Variants in MMD2 observed in about 807,000 individuals in gnomAD.
MMD2 encodes monocyte to macrophage differentiation associated 2.
MMD2 carries 30 observed loss-of-function variants against 33.5 expected under a neutral mutation model. The observed-to-expected ratio is 0.90, with a 90% CI of 0.67 to 1.22. The LOEUF (loss-of-function observed/expected upper bound fraction) is 1.22, where lower values mean the gene tolerates loss of function less well. MMD2 is among the 50% of genes most tolerant of loss of function. The pLI is 0.00. For synonymous variants in MMD2, 129 were observed against 123.0 expected, an observed-to-expected ratio of 1.05 and a Z score of -0.32; for missense variants, 364 against 325.4, an observed-to-expected ratio of 1.12 and a Z score of -0.91.
At chr7:4,915,402 G>A (rs1210579445) in intron 4 of MMD2, among the ~76,000 whole-genome samples, 7 of 151,780 alleles carry the variant, frequency 4.6e-5, no homozygotes, top group Admixed American at 1.3e-4. Flanking sequence ...ATTTATATAT[G>A]TGTATATATG....
chr7:4,957,886 G>A (rs1276176940), intron 1 of MMD2, among the ~76,000 whole-genome samples: 1 of 152,146 alleles, frequency 6.6e-6, no homozygotes, highest in Non-Finnish European at 1.5e-5. Flanking sequence ...TCCTAGCCCT[G>A]AGCTCCTCTT....
chr7:4,946,233 A>G lies in MMD2; in HGVS notation c.47+12738T>C, dbSNP rs1178509835. Among the ~76,000 whole-genome samples the G allele has an allele frequency of 6.6e-6, 1 of 151,986 alleles. No homozygotes were observed. The highest frequency in any genetic ancestry group is 1.5e-5 in the Non-Finnish European group (1 of 67,990). ...TGCACACACATGCACACATACACGC[A>G]CACACACGCACACCCCACCCCGTGC... is the stretch of plus-strand genomic sequence containing the variant. On this transcript the variant is annotated intron_variant, in intron 1 of 6. Coordinates refer to ENST00000401401, the MANE Select transcript of MMD2 (RefSeq NM_198403.4). This position sits in a 1 kb window ranked among gnomAD's most constrained non-coding sequence, Gnocchi z 5.0.
chr7:4,958,152 G>A (rs1273250093), intron 1 of MMD2, among the ~76,000 whole-genome samples: 7 of 152,154 alleles, frequency 4.6e-5, no homozygotes, highest in Non-Finnish European at 8.8e-5. Context: ...AGGCCCCCGC[G>A]GGCTGCTCCC....
chr7:4,953,272 C>T (rs1562497987), intron 1 of MMD2, among the ~76,000 whole-genome samples: 1 of 151,758 alleles, frequency 6.6e-6, no homozygotes, highest in Non-Finnish European at 1.5e-5. Flanking sequence ...TTGTCTTGGT[C>T]AGCACCGCCT....
chr7:4,911,321 C>A, intron 4 of MMD2, 75 bp from the exon 5 acceptor site: 1 of 1,236,328 alleles, frequency 8.1e-7, no homozygotes, highest in South Asian at 1.3e-5. Context: ...ACCGGCCTGT[C>A]ACAGGAAATG....
rs532833235 is a variant in MMD2 at position 4,918,494 on chromosome 7, T to C, written c.290+1677A>G. On this transcript the variant is annotated intron_variant, in intron 3 of 6. Transcript: ENST00000401401. ...TCTTTTCTTTCTTTCTTTTTTTTTT[T>C]TTTTTTTGAGACAGATTCTCACTCC... Among the ~76,000 whole-genome samples the C allele has an allele frequency of 3.0e-3, 455 of 150,288 alleles. 1 individual carries two copies. Among genetic ancestry groups the C allele is most frequent in the Non-Finnish European group, 5.1e-3 (343 of 67,540 alleles).
Position 4,907,095 on chromosome 7 carries a change from A to G in MMD2, c.*301T>C, listed in dbSNP as rs1784882343. 2 of 361,422 alleles carry G rather than the reference A, an allele frequency of 5.5e-6. No individual in the cohort carries two copies. The highest frequency in any genetic ancestry group is 5.1e-6 in the Non-Finnish European group (1 of 195,652). The allele number at this position is 361,422 out of a possible 1,614,324, so 22.4% of individuals were successfully genotyped here. On this transcript the variant is annotated 3_prime_UTR_variant, in exon 7 of 7. Transcript: ENST00000401401. ...ACACAGATTGGCCCGTCATTCCCCA[A>G]TTTTCCAGGACCATGCCTGCTTCCT...
intron 1 of MMD2, among the ~76,000 whole-genome samples, chr7:4,950,712 CTTT>C (rs71004603): frequency 1.3e-4 from 17 of 133,894 alleles, no homozygotes; most frequent in Non-Finnish European, 1.6e-4. Context: ...TTCTTTCCTT[CTTT>C]TTTTTTTTTT....
intron 1 of MMD2, among the ~76,000 whole-genome samples, chr7:4,950,299 C>A (rs1279454698): frequency 1.3e-5 from 2 of 152,034 alleles, no homozygotes; most frequent in Non-Finnish European, 2.9e-5. Flanking sequence ...GGTTTCTCCA[C>A]GTTGGTCAGT....
chr7:4,930,939 C>T (rs1583381008), intron 1 of MMD2, among the ~76,000 whole-genome samples: 1 of 152,252 alleles, frequency 6.6e-6, no homozygotes, highest in South Asian at 2.1e-4. Flanking sequence ...CAACCTTCGC[C>T]TCCTGGGTTC....
chr7:4,926,903 C>G (rs1047357700), intron 1 of MMD2, among the ~76,000 whole-genome samples: 2 of 152,012 alleles, frequency 1.3e-5, no homozygotes, highest in Non-Finnish European at 2.9e-5. Flanking sequence ...CGCCATCATG[C>G]CCAGCTGATT....
At chr7:4,943,534 C>A (rs910012539) in intron 1 of MMD2, among the ~76,000 whole-genome samples, 1 of 152,096 alleles carries the variant, frequency 6.6e-6, no homozygotes, top group African/African-American at 2.4e-5. Flanking sequence ...TAGCAGTGCC[C>A]ATTACCTAGC....
chr7:4,949,724 A>G (rs1449081140), intron 1 of MMD2, among the ~76,000 whole-genome samples: 1 of 151,888 alleles, frequency 6.6e-6, no homozygotes, highest in African/African-American at 2.4e-5. Context: ...ATTGGCCAGG[A>G]TGGTCTCGAA....
chr7:4,928,150 G>A (rs1211222133), intron 1 of MMD2, among the ~76,000 whole-genome samples: 1 of 152,174 alleles, frequency 6.6e-6, no homozygotes, highest in African/African-American at 2.4e-5. Flanking sequence ...GCCACCCAAT[G>A]GGGTTAAACT....
chr7:4,937,036 C>T (rs912820834), intron 1 of MMD2, among the ~76,000 whole-genome samples: 1 of 151,418 alleles, frequency 6.6e-6, no homozygotes, highest in East Asian at 2.0e-4. Context: ...ATGCCCAGCC[C>T]ACACAGTCTT....
intron 3 of MMD2, among the ~76,000 whole-genome samples, chr7:4,916,407 A>C (rs1785145993): frequency 8.9e-6 from 1 of 112,682 alleles, no homozygotes. Context: ...TTTTAAGATA[A>C]GGTCTTGCTC....
intron 1 of MMD2, among the ~76,000 whole-genome samples, chr7:4,927,758 G>A (rs1583376910): frequency 6.6e-6 from 1 of 151,980 alleles, no homozygotes; most frequent in South Asian, 2.1e-4. Flanking sequence ...CCGATGTTTT[G>A]GTGTCTTTTT....
At chr7:4,902,137 A>G (rs1784802894), downstream of MMD2, among the ~76,000 whole-genome samples, 1 of 152,096 alleles carries the variant, frequency 6.6e-6, no homozygotes, top group Admixed American at 6.6e-5. Flanking sequence ...TTTTTGGTAG[A>G]GATGGGATTT....
chr7:4,933,992 C>T (rs1785667203), intron 1 of MMD2, among the ~76,000 whole-genome samples: 1 of 134,358 alleles, frequency 7.4e-6, no homozygotes, highest in Admixed American at 8.3e-5. Context: ...TGCAATGGTG[C>T]AATCTCAACT....
Sources: allele counts gnomAD v4.1 joint callset (sites outside exome capture counted in the v4.1 genomes callset), GRCh38; gene constraint gnomAD v4.1.1; non-coding constraint Gnocchi (gnomAD v3.1); transcripts MANE v1.5; gene names NCBI Gene and HGNC (gene_info 2026-07-23, HGNC 2026-07-21).